The following CLN6 variants were observed in gnomAD, a reference collection of about 807,000 sequenced individuals.
CLN6 encodes CLN6 transmembrane ER protein, also known as ceroid-lipofuscinosis neuronal protein 6.
CLN6 carries 22 observed loss-of-function variants against 33.3 expected under a neutral mutation model. That is an observed-to-expected ratio of 0.66 (90% CI 0.47 to 0.94). CLN6 has a LOEUF of 0.94. Ranked by LOEUF, CLN6 falls within the 40% of genes least tolerant of loss-of-function variation. The pLI, the probability that CLN6 is intolerant of heterozygous loss-of-function variation, is 0.00. For synonymous variants in CLN6, 201 were observed against 174.6 expected, an observed-to-expected ratio of 1.15 and a Z score of -1.19; for missense variants, 387 against 417.1, an observed-to-expected ratio of 0.93 and a Z score of 0.63.
intron 1 of CLN6, among the ~76,000 whole-genome samples, chr15:68,225,054 G>A (rs1404316139): frequency 6.6e-6 from 1 of 152,020 alleles, no homozygotes; most frequent in Non-Finnish European, 1.5e-5. Flanking sequence ...AACAAGTCAA[G>A]CGGTAACCCA....
At chr15:68,243,446 T>C (rs1352480880) in intron 1 of CLN6, among the ~76,000 whole-genome samples, 2 of 152,118 alleles carry the variant, frequency 1.3e-5, no homozygotes, top group African/African-American at 2.4e-5. Flanking sequence ...TGGATAGATA[T>C]AAAATTTTAT....
chr15:68,253,477 C>T (rs913642877), intron 1 of CLN6, among the ~76,000 whole-genome samples: 3 of 152,190 alleles, frequency 2.0e-5, no homozygotes, highest in Non-Finnish European at 2.9e-5. Flanking sequence ...GGAGGACAGT[C>T]CCTCATGGCA....
rs1043817522 is a variant in CLN6 at position 68,219,565 on chromosome 15, T to C, written c.84-915A>G. 6.6e-6 allele frequency among the ~76,000 whole-genome samples: 1 copy of C among 152,186 alleles called. No individual in the cohort carries two copies. On this transcript the variant is annotated intron_variant, in intron 1 of 6. Coordinates refer to ENST00000249806, the MANE Select transcript of CLN6 (RefSeq NM_017882.3). This position sits in a 1 kb window ranked among gnomAD's most constrained non-coding sequence, Gnocchi z 4.2. ...TGCACTGAAGTTCCAGGACCAGTGCTGCCTCCTCTGGGAAGGCTTCCCTGA... is the reference window on the plus strand; with the variant it reads ...TGCACTGAAGTTCCAGGACCAGTGCCGCCTCCTCTGGGAAGGCTTCCCTGA...
chr15:68,211,908 C>T lies in CLN6; in HGVS notation c.298-45G>A. 3.8e-6 allele frequency: 6 copies of T among 1,583,530 alleles called. No individual in the cohort carries two copies. Among genetic ancestry groups the T allele is most frequent in the Non-Finnish European group, 5.2e-6 (6 of 1,155,506 alleles). ...TGGCAGCATGACCCCACCTCTGTCA[C>T]AGTATGTGACACCCTCTGCTTCCCC... is the stretch of plus-strand genomic sequence containing the variant. On this transcript the variant is annotated intron_variant, in intron 3 of 6. Transcript: ENST00000249806. This position sits in a 1 kb window ranked among gnomAD's most constrained non-coding sequence, Gnocchi z 5.9.
Position 68,250,158 on chromosome 15 carries a change from C to T in CLN6, c.179+6532G>A, listed in dbSNP as rs142716690. ...ATAAATATTTAAGGTGACAGCTATC[C>T]CAATGGCCCTGATTTGATTATACAA... On this transcript the variant is annotated intron_variant, in intron 1 of 6. Transcript: ENST00000538696. Among the ~76,000 whole-genome samples the T allele has an allele frequency of 5.4e-3, 819 of 152,158 alleles. 7 individuals carry two copies. Among genetic ancestry groups the T allele is most frequent in the African/African-American group, 0.019 (786 of 41,510 alleles).
chr15:68,208,321 C>G lies in CLN6; in HGVS notation c.755G>C (p.Arg252Pro). Reference protein sequence around the residue: ...LALVLHQKRKRLFLDSNGLFL... With the variant: ...LALVLHQKRKPLFLDSNGLFL... Reference sequence around the variant, plus strand: ...GAGGCCGTTGCTGTCCAGGAAGAGGCGCTTGCGCTTCTGGTGCAGGACGAG... The same window carrying G: ...GAGGCCGTTGCTGTCCAGGAAGAGGGGCTTGCGCTTCTGGTGCAGGACGAG... The change falls in exon 7 of 7, where the codon CGC becomes CCC. Residue 252 changes from arginine (R) to proline (P), a missense_variant. Coordinates refer to ENST00000249806, the MANE Select transcript of CLN6 (RefSeq NM_017882.3). The surrounding 1 kb of genome is among the most constrained non-coding windows in gnomAD (Gnocchi z 5.8). 1.2e-6 allele frequency: 2 copies of G among 1,614,116 alleles called. No homozygotes were observed. The highest frequency in any genetic ancestry group is 1.7e-6 in the Non-Finnish European group (2 of 1,180,044).
chr15:68,234,170 T>C (rs373076129), upstream of CLN6, among the ~76,000 whole-genome samples: 1 of 152,208 alleles, frequency 6.6e-6, no homozygotes, highest in South Asian at 2.1e-4. The surrounding 1 kb of genome is among the most constrained non-coding windows in gnomAD (Gnocchi z 4.1). Flanking sequence ...ACAACACTGT[T>C]TCCATGTCAT....
chr15:68,244,703 C>G (rs1206529744), intron 1 of CLN6, among the ~76,000 whole-genome samples: 1 of 152,094 alleles, frequency 6.6e-6, no homozygotes, highest in Non-Finnish European at 1.5e-5. Flanking sequence ...TCACTCATAA[C>G]TCTAATATAA....
At position 68,247,021 on chromosome 15, in the gene CLN6, T is replaced by C. The variant is rs985383104; in HGVS notation, c.179+9669A>G. 2.2e-4 allele frequency among the ~76,000 whole-genome samples: 33 copies of C among 152,120 alleles called. No individual in the cohort carries two copies. The highest frequency in any genetic ancestry group is 8.0e-4 in the African/African-American group (33 of 41,428). ...AAATACAAAAATTAGCCTGGCGTGG[T>C]GGTGCATGCCTGTAATCCCAGATAC... On this transcript the variant is annotated intron_variant, in intron 1 of 6. Coordinates refer to the CLN6 transcript ENST00000538696. The surrounding 1 kb of genome is among the most constrained non-coding windows in gnomAD (Gnocchi z 4.2).
At chr15:68,221,988 T>C (rs1221516912) in intron 1 of CLN6, among the ~76,000 whole-genome samples, 91 of 88,928 alleles carry the variant, frequency 1.0e-3, no homozygotes, top group South Asian at 2.7e-3. Flanking sequence ...TCTGCCCGGC[T>C]GCCCTGTCTG....
chr15:68,216,946 T>C (rs2093222036), intron 2 of CLN6, among the ~76,000 whole-genome samples: 1 of 152,244 alleles, frequency 6.6e-6, no homozygotes, highest in Admixed American at 6.5e-5. Flanking sequence ...CTGGCCTCTA[T>C]GCTTGACCTC....
chr15:68,230,599 C>T (rs1351846723), upstream of CLN6, among the ~76,000 whole-genome samples: 3 of 152,216 alleles, frequency 2.0e-5, no homozygotes, highest in Non-Finnish European at 2.9e-5. The surrounding 1 kb of genome is among the most constrained non-coding windows in gnomAD (Gnocchi z 4.0). Context: ...GGGCAAATGG[C>T]TCAACCCCTC....
Position 68,256,854 on chromosome 15 carries a change from G to C in CLN6, c.15C>G (p.Ala5=). The change falls in exon 1 of 7, where the codon GCC becomes GCG. Residue 5 remains alanine (A), a synonymous_variant. Coordinates refer to the CLN6 transcript ENST00000538696. This position sits in a 1 kb window ranked among gnomAD's most constrained non-coding sequence, Gnocchi z 4.1. ...TGCCTCTCGCTCGCCGCTCCTTCCC[G>C]GCAACGGCTGCCATTTTCCGCCCAG... 2.9e-6 allele frequency: 2 copies of C among 694,320 alleles called. No individual in the cohort carries two copies. Among genetic ancestry groups the C allele is most frequent in the Non-Finnish European group, 5.2e-6 (2 of 381,112 alleles). The allele number at this position is 694,320 out of a possible 1,614,324, so 43.0% of individuals were successfully genotyped here.
upstream of CLN6, among the ~76,000 whole-genome samples, chr15:68,234,709 T>G (rs1892201827): frequency 6.6e-6 from 1 of 152,180 alleles, no homozygotes; most frequent in African/African-American, 2.4e-5. This position sits in a 1 kb window ranked among gnomAD's most constrained non-coding sequence, Gnocchi z 4.1. Context: ...TCCTTATAAT[T>G]TCTTTCACTC....
chr15:68,227,988 G>A lies in CLN6; in HGVS notation c.83+1514C>T, dbSNP rs928359087. 6.6e-6 allele frequency among the ~76,000 whole-genome samples: 1 copy of A among 152,158 alleles called. No individual in the cohort carries two copies. The highest frequency in any genetic ancestry group is 2.4e-5 in the African/African-American group (1 of 41,432). ...AAGAGGGGAGCTGGTAAATGGGTTG[G>A]GTCACAGCAGAGATGAAACCACTGG... On this transcript the variant is annotated intron_variant, in intron 1 of 6. Coordinates refer to ENST00000249806, the MANE Select transcript of CLN6 (RefSeq NM_017882.3). The surrounding 1 kb of genome is among the most constrained non-coding windows in gnomAD (Gnocchi z 4.1).
chr15:68,230,253 G>A (rs1365809624), upstream of CLN6, among the ~76,000 whole-genome samples: 5 of 152,100 alleles, frequency 3.3e-5, no homozygotes, highest in African/African-American at 1.2e-4. This position sits in a 1 kb window ranked among gnomAD's most constrained non-coding sequence, Gnocchi z 4.0. Context: ...GGGGAGAAGA[G>A]TTCAGGCAGT....
Position 68,236,973 on chromosome 15 carries a change from A to T in CLN6, c.180-18323T>A, listed in dbSNP as rs897550822. ...GAGATCGAGACCATCCTGGCTAACA[A>T]GGTGAAACCCCGTCTCTACTAAAAA... On this transcript the variant is annotated intron_variant, in intron 1 of 6. Transcript: ENST00000538696. The surrounding 1 kb of genome is among the most constrained non-coding windows in gnomAD (Gnocchi z 4.5). Among the ~76,000 whole-genome samples the T allele has an allele frequency of 1.3e-5, 2 of 150,342 alleles. No individual in the cohort carries two copies. The highest frequency in any genetic ancestry group is 2.4e-5 in the African/African-American group (1 of 40,908).
chr15:68,214,674 T>C (rs1313546291), intron 2 of CLN6: 1 of 401,632 alleles, frequency 2.5e-6, no homozygotes. Context: ...ACCCAGCAGA[T>C]ACCAAATAAA....
intron 1 of CLN6, among the ~76,000 whole-genome samples, chr15:68,222,806 C>CTGT (rs1369979929): frequency 2.6e-5 from 4 of 152,346 alleles, no homozygotes; most frequent in African/African-American, 9.6e-5. Context: ...CCTTGGGATG[C>CTGT]TGTTAGTCTA....
Sources: allele counts gnomAD v4.1 joint callset (sites outside exome capture counted in the v4.1 genomes callset), GRCh38; gene constraint gnomAD v4.1.1; non-coding constraint Gnocchi (gnomAD v3.1); transcripts MANE v1.5; gene names NCBI Gene and HGNC (gene_info 2026-07-23, HGNC 2026-07-21).